Variants in KCTD16 observed in about 807,000 individuals in gnomAD.
KCTD16 encodes the protein potassium channel tetramerization domain containing 16, also known as BTB/POZ domain-containing protein KCTD16.
In KCTD16, 13 loss-of-function variants were observed where a neutral mutation model predicts 33.2. The ratio of observed to expected loss-of-function variants is 0.39; its 90% CI spans 0.25 to 0.62. The LOEUF (loss-of-function observed/expected upper bound fraction) is 0.62. KCTD16 is among the 20% of genes least tolerant of loss of function. KCTD16 has a pLI of 0.50. For synonymous variants in KCTD16, 197 were observed against 195.3 expected, an observed-to-expected ratio of 1.01 and a Z score of -0.07; for missense variants, 441 against 525.1, an observed-to-expected ratio of 0.84 and a Z score of 1.57.
intron 3 of KCTD16, among the ~76,000 whole-genome samples, chr5:144,344,195 T>C (rs1329277964): frequency 6.6e-6 from 1 of 152,146 alleles, no homozygotes; most frequent in Admixed American, 6.5e-5. Context: ...TTACACCTTA[T>C]ACAAAAATTA....
chr5:144,257,554 T>A (rs1580825259), intron 3 of KCTD16, among the ~76,000 whole-genome samples: 2 of 152,114 alleles, frequency 1.3e-5, no homozygotes, highest in Admixed American at 6.6e-5. Flanking sequence ...AGTGACGTGA[T>A]CTCGGCTCCC....
chr5:144,406,050 T>A (rs1023237377), intron 3 of KCTD16, among the ~76,000 whole-genome samples: 1 of 152,210 alleles, frequency 6.6e-6, no homozygotes, highest in East Asian at 1.9e-4. Flanking sequence ...TGAGGCTTGT[T>A]GTTAAGTACC....
chr5:144,315,472 A>G (rs1352455070), intron 3 of KCTD16, among the ~76,000 whole-genome samples: 2 of 152,186 alleles, frequency 1.3e-5, no homozygotes, highest in Non-Finnish European at 2.9e-5. Flanking sequence ...AAAAGTTAAA[A>G]CAATGGAGAA....
intron 3 of KCTD16, among the ~76,000 whole-genome samples, chr5:144,386,649 G>A (rs1314120974): frequency 1.3e-5 from 2 of 152,108 alleles, no homozygotes; most frequent in African/African-American, 2.4e-5. Flanking sequence ...TATATTCCCT[G>A]AATTTCTTAG....
chr5:144,290,843 G>A (rs898199343), intron 3 of KCTD16, among the ~76,000 whole-genome samples: 3 of 152,146 alleles, frequency 2.0e-5, no homozygotes, highest in African/African-American at 7.2e-5. Flanking sequence ...TTCATGAGAA[G>A]CAATTATCTT....
rs574670606 is a variant in KCTD16, at chr5:144,199,707, ATTTTTTTTTTTTT to A, written c.-326-6666_-326-6654del. ...TGACCATTTGTTCCAGAACAGCTTCATTTTTTTTTTTTTTTTTTTTTTTTTTTTGAGACAGAGT... is the reference window on the plus strand; with the variant it reads ...TGACCATTTGTTCCAGAACAGCTTCATTTTTTTTTTTTTTTGAGACAGAGT... On this transcript the variant is annotated intron_variant, in intron 2 of 3. Transcript: ENST00000512467. 2.2e-4 allele frequency among the ~76,000 whole-genome samples: 15 copies of A among 67,722 alleles called. No homozygotes were observed. In the East Asian group the frequency reaches 4.6e-3, roughly 21 times the overall value. 44.4% of individuals were successfully genotyped at this position (67,722 alleles called of 152,430 possible).
intron 3 of KCTD16, among the ~76,000 whole-genome samples, chr5:144,359,575 A>G (rs1399469159): frequency 6.6e-6 from 1 of 151,808 alleles, no homozygotes; most frequent in Non-Finnish European, 1.5e-5. Context: ...TATCTCTAGA[A>G]CAATGATTTC....
At chr5:144,258,780 C>T (rs541535758) in intron 3 of KCTD16, among the ~76,000 whole-genome samples, 13 of 152,202 alleles carry the variant, frequency 8.5e-5, no homozygotes, top group African/African-American at 3.1e-4. Flanking sequence ...TTCTTTTGCA[C>T]AGCTATATGA....
At chr5:144,435,054 G>A (rs1362124145) in intron 3 of KCTD16, among the ~76,000 whole-genome samples, 7 of 152,250 alleles carry the variant, frequency 4.6e-5, no homozygotes, top group South Asian at 2.1e-4. Flanking sequence ...TCAAGAACCC[G>A]TGGGTCCATG....
intron 3 of KCTD16, among the ~76,000 whole-genome samples, chr5:144,316,506 G>GTCT (rs1751917010): frequency 7.7e-6 from 1 of 129,830 alleles, no homozygotes; most frequent in Non-Finnish European, 1.7e-5. Context: ...TTTGTTTTTT[G>GTCT]TCTTTTTTTT....
At chr5:144,394,774 C>T (rs1752528398) in intron 3 of KCTD16, among the ~76,000 whole-genome samples, 1 of 152,162 alleles carries the variant, frequency 6.6e-6, no homozygotes, top group Admixed American at 6.5e-5. Flanking sequence ...CTTTGCTTTC[C>T]CTTCACCTTC....
chr5:144,219,490 A>G (rs1257191188), intron 3 of KCTD16, among the ~76,000 whole-genome samples: 4 of 141,464 alleles, frequency 2.8e-5, no homozygotes, highest in Non-Finnish European at 6.1e-5. Context: ...CTAGGATGAC[A>G]GGCATGAGCC....
At chr5:144,232,815 C>T (rs1754143400) in intron 3 of KCTD16, among the ~76,000 whole-genome samples, 1 of 152,032 alleles carries the variant, frequency 6.6e-6, no homozygotes, top group Admixed American at 6.6e-5. Context: ...CAACATACTT[C>T]CAAATATTTT....
At position 144,233,885 on chromosome 5, in the gene KCTD16, C is replaced by A. The variant is rs77787658; in HGVS notation, c.832+26339C>A. On this transcript the variant is annotated intron_variant, in intron 3 of 3. Transcript: ENST00000512467. ...AAGGAGAGGGAGAAGAGGGAGGGAT[C>A]AAAAAATGCTAATTAGTACTGGGCT... 1.6e-4 allele frequency among the ~76,000 whole-genome samples: 25 copies of A among 152,024 alleles called. No homozygotes were observed. The East Asian group carries it at 4.8e-3, about 29-fold the overall frequency.
intron 3 of KCTD16, among the ~76,000 whole-genome samples, chr5:144,292,001 C>T (rs998696875): frequency 6.6e-6 from 1 of 152,164 alleles, no homozygotes; most frequent in Non-Finnish European, 1.5e-5. Context: ...TGAAGGAACT[C>T]ATATTTCTAT....
intron 3 of KCTD16, among the ~76,000 whole-genome samples, chr5:144,256,710 C>G (rs552023274): frequency 4.0e-5 from 6 of 151,388 alleles, no homozygotes; most frequent in African/African-American, 1.5e-4. Flanking sequence ...AGCAACAAGA[C>G]ATTCTGGAAG....
In KCTD16 at chr5:144,412,880, A is replaced by C. The variant is rs1467512411; in HGVS notation, c.833-60780A>C. ...CAGCCTGGGCCACAGAGTGAGAGAG[A>C]CCCTGTCTCAAATAAATAAATAAGT... On this transcript the variant is annotated intron_variant, in intron 3 of 3. Coordinates refer to ENST00000512467, the MANE Select transcript of KCTD16 (RefSeq NM_020768.4). Among the ~76,000 whole-genome samples, 2 of 151,926 alleles carry C rather than the reference A, an allele frequency of 1.3e-5. 1 individual carries two copies. Among genetic ancestry groups the C allele is most frequent in the Non-Finnish European group, 2.9e-5 (2 of 67,974 alleles).
chr5:144,304,915 G>T (rs1288170664), intron 3 of KCTD16, among the ~76,000 whole-genome samples: 1 of 151,824 alleles, frequency 6.6e-6, no homozygotes, highest in African/African-American at 2.4e-5. Context: ...AGAACACTAG[G>T]GCCAAAGGCC....
intron 3 of KCTD16, among the ~76,000 whole-genome samples, chr5:144,349,868 A>G (rs1436188140): frequency 3.3e-5 from 5 of 152,168 alleles, no homozygotes; most frequent in Non-Finnish European, 5.9e-5. Context: ...CCCCCAAATG[A>G]TCTCCTACAT....
Sources: gnomAD v4.1 joint callset for allele counts (sites outside exome capture counted in the v4.1 genomes callset) on GRCh38, gnomAD v4.1.1 for gene constraint, MANE v1.5 for transcripts, NCBI Gene and HGNC (gene_info 2026-07-23, HGNC 2026-07-21) for gene names.